The following ERBB4 variants were observed in gnomAD, a reference collection of about 807,000 sequenced individuals.
The protein encoded by ERBB4 is receptor tyrosine-protein kinase erbB-4.
In ERBB4, 42 loss-of-function variants were observed where a neutral mutation model predicts 158.0. That is an observed-to-expected ratio of 0.27 (90% CI 0.21 to 0.34). The LOEUF (loss-of-function observed/expected upper bound fraction) is 0.34, where lower values mean the gene tolerates loss of function less well. Among genes scored for constraint, ERBB4 ranks in the 10% least tolerant of loss-of-function variants. The pLI is 1.00. For synonymous variants in ERBB4, 583 were observed against 558.7 expected, an observed-to-expected ratio of 1.04 and a Z score of -0.61; for missense variants, 1,333 against 1,624.1, an observed-to-expected ratio of 0.82 and a Z score of 3.08.
intron 20 of ERBB4, among the ~76,000 whole-genome samples, chr2:211,522,421 AGTT>A (rs2066213318): frequency 6.6e-6 from 1 of 152,202 alleles, no homozygotes; most frequent in South Asian, 2.1e-4. Flanking sequence ...ATGGATGAGT[AGTT>A]GTTTCTTATG....
intron 2 of ERBB4, among the ~76,000 whole-genome samples, chr2:212,086,439 G>A (rs915219861): frequency 2.0e-5 from 3 of 150,000 alleles, no homozygotes; most frequent in Admixed American, 6.7e-5. Context: ...ATGCATTACC[G>A]CCTCTAAGAA....
chr2:212,230,676 C>T (rs1521640), intron 1 of ERBB4, among the ~76,000 whole-genome samples: 152,177 of 152,340 alleles, frequency 1, 76,007 homozygotes, highest in Non-Finnish European at 1. Flanking sequence ...ACAAAATCTA[C>T]GTCTATATAA....
At chr2:211,657,878 T>G in intron 15 of ERBB4, 50 bp from the exon 16 acceptor site, 1 of 1,601,048 alleles carries the variant, frequency 6.2e-7, no homozygotes, top group Non-Finnish European at 8.6e-7. Flanking sequence ...CACAGTGACA[T>G]GCACACACAT....
At chr2:211,682,220 T>C (rs929337456) in intron 12 of ERBB4, among the ~76,000 whole-genome samples, 2 of 152,052 alleles carry the variant, frequency 1.3e-5, no homozygotes, top group Admixed American at 6.6e-5. Flanking sequence ...GGACTGATGA[T>C]AAAAATTCTG....
chr2:211,823,485 ATTAT>A (rs1219971611), intron 3 of ERBB4, among the ~76,000 whole-genome samples: 6 of 151,806 alleles, frequency 4.0e-5, no homozygotes, highest in Non-Finnish European at 8.8e-5. Flanking sequence ...AAAAATATAT[ATTAT>A]TTTGCTTTAG....
rs113238337 is a variant in ERBB4 at position 212,245,056 on chromosome 2, A to T, written c.83-120153T>A. On this transcript the variant is annotated intron_variant, in intron 1 of 27. Transcript: ENST00000342788. ...TTATTTTATTGTAGAACCATAAAAA[A>T]ACTCTCAGAAGTCTATAAATTATTT... Among the ~76,000 whole-genome samples the T allele has an allele frequency of 4.8e-3, 733 of 152,294 alleles. 7 individuals carry two copies. The highest frequency in any genetic ancestry group is 0.017 in the Middle Eastern group (5 of 294).
chr2:211,474,241 C>T (rs2064899722), intron 20 of ERBB4, among the ~76,000 whole-genome samples: 2 of 151,742 alleles, frequency 1.3e-5, no homozygotes, highest in Non-Finnish European at 2.9e-5. Context: ...TCTAGAATAC[C>T]TAATATTCAT....
intron 1 of ERBB4, among the ~76,000 whole-genome samples, chr2:212,163,296 T>G (rs2081256322): frequency 6.6e-6 from 1 of 152,006 alleles, no homozygotes; most frequent in Non-Finnish European, 1.5e-5. Context: ...TTCCAAGGTT[T>G]TCTTTTCACA....
chr2:211,533,386 A>G (rs1453544431), intron 20 of ERBB4, among the ~76,000 whole-genome samples: 1 of 151,962 alleles, frequency 6.6e-6, no homozygotes, highest in Non-Finnish European at 1.5e-5. Context: ...AGTTCACTTT[A>G]TCATTATTCT....
intron 25 of ERBB4, among the ~76,000 whole-genome samples, chr2:211,394,274 A>G (rs929614626): frequency 6.6e-6 from 1 of 152,198 alleles, no homozygotes; most frequent in Non-Finnish European, 1.5e-5. Context: ...GCTTAGCTTC[A>G]TTCAAGATAA....
At chr2:211,855,444 A>G (rs147152321) in intron 3 of ERBB4, among the ~76,000 whole-genome samples, 558 of 152,250 alleles carry the variant, frequency 3.7e-3, no homozygotes, top group African/African-American at 0.013. Flanking sequence ...GTTTTCCTCT[A>G]AAAGTTTTTT....
rs376127683 is a variant in ERBB4 at position 211,950,371 on chromosome 2, GAGGCTAT to G, written c.235-2762_235-2756del. Among the ~76,000 whole-genome samples, 257 of 152,250 alleles carry G rather than the reference GAGGCTAT, an allele frequency of 1.7e-3. 1 individual carries two copies. The highest frequency in any genetic ancestry group is 0.016 in the East Asian group (83 of 5,174). Reference sequence around the variant, plus strand: ...ATACAGGATAGAAGTGGGTGGAAGAGAGGCTATAGACTGGAGCCACTTCTCTCCATGC... The same window carrying G: ...ATACAGGATAGAAGTGGGTGGAAGAGAGACTGGAGCCACTTCTCTCCATGC... On this transcript the variant is annotated intron_variant, in intron 2 of 27. Transcript: ENST00000342788.
intron 1 of ERBB4, among the ~76,000 whole-genome samples, chr2:212,164,387 G>A (rs778761520): frequency 4.6e-5 from 7 of 151,870 alleles, no homozygotes; most frequent in Non-Finnish European, 8.8e-5. Flanking sequence ...AATTTTATCT[G>A]CTCATTATTT....
chr2:211,796,002 G>T (rs2076374868), intron 3 of ERBB4, among the ~76,000 whole-genome samples: 2 of 151,804 alleles, frequency 1.3e-5, no homozygotes. Flanking sequence ...CAAATGTAAA[G>T]CTTTTTAAGA....
At chr2:211,902,910 A>G (rs981802398) in intron 3 of ERBB4, among the ~76,000 whole-genome samples, 3 of 152,030 alleles carry the variant, frequency 2.0e-5, no homozygotes, top group Non-Finnish European at 2.9e-5. Context: ...ATATATAATT[A>G]CTTTTCTTTA....
chr2:212,066,137 C>T (rs996916236), intron 2 of ERBB4, among the ~76,000 whole-genome samples: 4 of 151,774 alleles, frequency 2.6e-5, no homozygotes, highest in Non-Finnish European at 5.9e-5. Context: ...GATTAGGCCT[C>T]GAAAGACTCT....
At chr2:212,130,006 T>C (rs2080063557) in intron 1 of ERBB4, among the ~76,000 whole-genome samples, 1 of 152,088 alleles carries the variant, frequency 6.6e-6, no homozygotes. Flanking sequence ...GAGCCTCCAC[T>C]GAGTAACTCA....
chr2:211,406,528 A>G (rs2125366563), intron 25 of ERBB4, among the ~76,000 whole-genome samples: 1 of 152,270 alleles, frequency 6.6e-6, no homozygotes, highest in East Asian at 1.9e-4. Flanking sequence ...CCTCACTGAT[A>G]TACTCATCTT....
intron 1 of ERBB4, among the ~76,000 whole-genome samples, chr2:212,255,423 C>T (rs1184632757): frequency 1.3e-5 from 2 of 151,880 alleles, no homozygotes; most frequent in East Asian, 3.9e-4. Flanking sequence ...CCTAATCTGC[C>T]AATTATGTTT....
Sources: gnomAD v4.1 joint callset for allele counts (sites outside exome capture counted in the v4.1 genomes callset) on GRCh38, gnomAD v4.1.1 for gene constraint, MANE v1.5 for transcripts, NCBI Gene and HGNC (gene_info 2026-07-23, HGNC 2026-07-21) for gene names.